RRP12: variants seen among roughly 807,000 people sequenced by gnomAD.
The protein encoded by RRP12 is ribosomal RNA processing 12 homolog.
A neutral mutation model predicts 157.3 loss-of-function variants in RRP12; 78 were observed. The observed-to-expected ratio is 0.50, with a 90% confidence interval of 0.41 to 0.60. RRP12 has a LOEUF of 0.60. Among genes scored for constraint, RRP12 ranks in the 20% least tolerant of loss-of-function variants. The pLI is 0.00. For missense variants in RRP12, 1,521 were observed against 1,679.9 expected (o/e 0.91, Z 1.65); for synonymous variants, 726 against 670.9 (o/e 1.08, Z -1.27).
At chr10:97,378,307 A>C (rs10882911) in intron 15 of RRP12, among the ~76,000 whole-genome samples, 58,051 of 152,036 alleles carry the variant, frequency 0.38, 11,559 homozygotes, top group African/African-American at 0.5. Context: ...TGTATTTACA[A>C]AAACCTAGAT....
intron 25 of RRP12, among the ~76,000 whole-genome samples, 153 bp downstream of exon 25, chr10:97,369,272 C>G (rs1826354706): frequency 6.6e-6 from 1 of 152,242 alleles, no homozygotes; most frequent in Admixed American, 6.5e-5. Context: ...CTCCACCTGA[C>G]AGGCATTCCC....
intron 2 of RRP12, 56 bp from the exon 3 acceptor site, chr10:97,396,357 G>A: frequency 7.4e-7 from 1 of 1,358,630 alleles, no homozygotes; most frequent in Non-Finnish European, 1.1e-6. Context: ...CACCCCAGGG[G>A]AACCTCCTTT....
intron 32 of RRP12, 37 bp from the exon 33 acceptor site, chr10:97,358,656 G>T: frequency 6.6e-7 from 1 of 1,520,622 alleles, no homozygotes; most frequent in Non-Finnish European, 9.1e-7. Context: ...CTAGGAGGGT[G>T]GGGTTCCCCT....
At chr10:97,380,428 G>A (rs1179897501) in intron 13 of RRP12, among the ~76,000 whole-genome samples, 1 of 152,212 alleles carries the variant, frequency 6.6e-6, no homozygotes, top group Non-Finnish European at 1.5e-5. Context: ...CTGGACTGGA[G>A]GAACCTCCGT....
intron 15 of RRP12, among the ~76,000 whole-genome samples, chr10:97,379,051 G>A (rs572803952): frequency 1.3e-5 from 2 of 152,354 alleles, no homozygotes; most frequent in East Asian, 3.9e-4. Context: ...AGCTCCATGT[G>A]GAGGCAGCTC....
At chr10:97,392,531 T>C (rs1248535028) in intron 4 of RRP12, among the ~76,000 whole-genome samples, 2 of 151,398 alleles carry the variant, frequency 1.3e-5, no homozygotes, top group East Asian at 3.9e-4. Context: ...GTATTTTTAG[T>C]AGAGATCGGG....
chr10:97,379,218 C>T (rs1215155938), intron 15 of RRP12, 75 bp downstream of exon 15: 1 of 1,551,908 alleles, frequency 6.4e-7, no homozygotes, highest in Non-Finnish European at 8.9e-7. Flanking sequence ...ACTCAGCACC[C>T]TTCCCAATCC....
At chr10:97,400,880 A>C (rs1845127024) in intron 1 of RRP12, among the ~76,000 whole-genome samples, 1 of 152,158 alleles carries the variant, frequency 6.6e-6, no homozygotes, top group South Asian at 2.1e-4. Context: ...CACCCGCGGT[A>C]CCTTACACAA....
At chr10:97,367,741 CTTTTT>C (rs552784471) in intron 25 of RRP12, among the ~76,000 whole-genome samples, 98 of 152,114 alleles carry the variant, frequency 6.4e-4, no homozygotes, top group African/African-American at 2.2e-3. Context: ...ACGTCTACTC[CTTTTT>C]TTTGAGATGG....
chr10:97,365,476 T>C (rs1843950324), intron 29 of RRP12, among the ~76,000 whole-genome samples: 1 of 151,946 alleles, frequency 6.6e-6, no homozygotes, highest in Non-Finnish European at 1.5e-5. Context: ...GTTTTAACCG[T>C]GTTAGCCAGA....
In RRP12 at chr10:97,388,244, G is replaced by C; in HGVS notation, c.1017+8C>G. 6.8e-6 allele frequency: 11 copies of C among 1,613,730 alleles called. No individual in the cohort carries two copies. The highest frequency in any genetic ancestry group is 8.5e-6 in the Non-Finnish European group (10 of 1,180,012). On this transcript the variant is annotated splice_region_variant and intron_variant, in intron 8 of 33. Transcript: ENST00000370992. ...CCCCCTTTCTCCAGCTTTTGGGCCT[G>C]AGCTCACCACATGGCTCAAGGTCAT...
chr10:97,379,438 C>T (rs1327433969), intron 14 of RRP12, 24 bp from the exon 15 acceptor site: 1 of 1,613,362 alleles, frequency 6.2e-7, no homozygotes, highest in Admixed American at 1.7e-5. Flanking sequence ...GGGAAGAACC[C>T]AATGAGGATG....
chr10:97,396,672 C>T (rs1380207887), intron 2 of RRP12, among the ~76,000 whole-genome samples: 1 of 152,146 alleles, frequency 6.6e-6, no homozygotes, highest in African/African-American at 2.4e-5. Flanking sequence ...GGGATTGGTT[C>T]CAGGACCCCT....
chr10:97,357,276 C>G (rs960751889), intron 33 of RRP12, 80 bp from the exon 34 acceptor site: 1 of 873,464 alleles, frequency 1.1e-6, no homozygotes, highest in Non-Finnish European at 1.8e-6. Flanking sequence ...TGGCTCACCC[C>G]CAGCGCCAGC....
In RRP12 at chr10:97,370,177, G is replaced by A. The variant is rs377544960; in HGVS notation, c.2787C>T (p.Phe929=). Residue 929 remains phenylalanine, a synonymous_variant, in exon 24 of 34, where the codon TTC becomes TTT. Transcript: ENST00000370992. ...GAAATAAGCATTTACCTTTAAACTC[G>A]AAAAGGAGGTGGGTCAGGGCCAGGA... The part of the protein sequence containing the change: ...CSILALTHLL[F]EFKGLMGTST... 6.9e-6 allele frequency: 11 copies of A among 1,599,990 alleles called. No homozygotes were observed. Among genetic ancestry groups the A allele is most frequent in the Non-Finnish European group, 9.4e-6 (11 of 1,173,360 alleles).
chr10:97,372,758 G>C lies in RRP12; in HGVS notation c.2227C>G (p.Pro743Ala). Residue 743 changes from proline to alanine, a missense_variant, in exon 19 of 34, where the codon CCT becomes GCT. Transcript: ENST00000370992. ...TACCTGGTAAAGTCAGAGCTGGCAGGGTCGAGCACCTTCTCACTGGCTTTT... is the reference window on the plus strand; with the variant it reads ...TACCTGGTAAAGTCAGAGCTGGCAGCGTCGAGCACCTTCTCACTGGCTTTT... ...LEKASEKVLD[P>A]ASSDFTRLSV... is the part of the protein sequence containing the mutation. 3.8e-6 allele frequency: 6 copies of C among 1,562,750 alleles called. No individual in the cohort carries two copies. Among genetic ancestry groups the C allele is most frequent in the Non-Finnish European group, 5.2e-6 (6 of 1,153,066 alleles).
intron 8 of RRP12, among the ~76,000 whole-genome samples, chr10:97,386,372 A>G (rs1275542432): frequency 1.3e-5 from 2 of 150,760 alleles, no homozygotes; most frequent in Non-Finnish European, 2.9e-5. Flanking sequence ...TAATTTTTAT[A>G]AAGACAGAGT....
At chr10:97,368,426 T>C (rs904505573) in intron 25 of RRP12, among the ~76,000 whole-genome samples, 26 of 151,208 alleles carry the variant, frequency 1.7e-4, no homozygotes, top group African/African-American at 6.3e-4. Flanking sequence ...GGTGCAATCT[T>C]GGCTCACTGC....
chr10:97,368,495 T>A (rs1025415897), intron 25 of RRP12, among the ~76,000 whole-genome samples: 24 of 151,294 alleles, frequency 1.6e-4, no homozygotes, highest in African/African-American at 5.4e-4. Context: ...GTAGCTGGGA[T>A]TGCAGGCACC....
Sources: allele counts gnomAD v4.1 joint callset (sites outside exome capture counted in the v4.1 genomes callset), GRCh38; gene constraint gnomAD v4.1.1; transcripts MANE v1.5; gene names NCBI Gene and HGNC (gene_info 2026-07-23, HGNC 2026-07-21).